Variants in SENP8 observed in about 807,000 individuals in gnomAD.
SENP8 encodes the protein sentrin-specific protease 8.
Under a neutral mutation model 14.4 loss-of-function variants are expected in SENP8, and 10 were observed. That is an observed-to-expected ratio of 0.69 (90% CI 0.43 to 1.18). The LOEUF (loss-of-function observed/expected upper bound fraction) is 1.18. Ranked by LOEUF, SENP8 falls within the 50% of genes most tolerant of loss-of-function variation. The pLI, the probability that SENP8 is intolerant of heterozygous loss-of-function variation, is 0.00. For missense variants in SENP8, 202 were observed against 249.4 expected, an observed-to-expected ratio of 0.81 and a Z score of 1.28; for synonymous variants, 94 against 95.5, an observed-to-expected ratio of 0.98 and a Z score of 0.09.
intron 1 of SENP8, among the ~76,000 whole-genome samples, chr15:72,131,033 T>C (rs555892958): frequency 6.6e-6 from 1 of 152,242 alleles, no homozygotes; most frequent in South Asian, 2.1e-4. Flanking sequence ...CCCAGGTGTA[T>C]GCTCTTTAAA....
chr15:72,130,798 G>A (rs945762825), intron 1 of SENP8, among the ~76,000 whole-genome samples: 1 of 151,948 alleles, frequency 6.6e-6, no homozygotes, highest in Non-Finnish European at 1.5e-5. Flanking sequence ...CCCGACCTCA[G>A]GTGATCCGCC....
chr15:72,121,183 A>G (rs1265719129), intron 1 of SENP8, among the ~76,000 whole-genome samples: 2 of 152,180 alleles, frequency 1.3e-5, no homozygotes, highest in East Asian at 1.9e-4. Flanking sequence ...TTGTGGGTGT[A>G]TATGTCTGTG....
rs2081370666 is a variant in SENP8 at position 72,140,399 on chromosome 15, A to G, written c.*137A>G. ...ATACTCTTTTTCCTGAAAGAATATCATCCTCTGCATTATCCCCATGGAACG... is the reference window on the plus strand; with the variant it reads ...ATACTCTTTTTCCTGAAAGAATATCGTCCTCTGCATTATCCCCATGGAACG... On this transcript the variant is annotated 3_prime_UTR_variant, in exon 2 of 2. Transcript: ENST00000340912. 1 of 653,720 alleles carries G rather than the reference A, an allele frequency of 1.5e-6. No individual in the cohort carries two copies. Among genetic ancestry groups the G allele is most frequent in the Non-Finnish European group, 2.7e-6 (1 of 370,524 alleles). The allele number at this position is 653,720 out of a possible 1,614,324, so 40.5% of individuals were successfully genotyped here. A position where few individuals can be genotyped will look rare whatever the true frequency, so the allele number is the denominator to read the frequency against.
intron 1 of SENP8, chr15:72,135,175 C>T: frequency 5.4e-6 from 1 of 184,636 alleles, no homozygotes; most frequent in Non-Finnish European, 1.1e-5. Flanking sequence ...GATTCTCCTG[C>T]CTCAGCCTCC....
chr15:72,123,262 G>A (rs947580469), intron 1 of SENP8, among the ~76,000 whole-genome samples: 2 of 152,168 alleles, frequency 1.3e-5, no homozygotes, highest in Non-Finnish European at 2.9e-5. Flanking sequence ...GTGAAATGAG[G>A]TAAATCATGG....
chr15:72,117,331 C>T (rs1271902233), upstream of SENP8, among the ~76,000 whole-genome samples: 3 of 152,142 alleles, frequency 2.0e-5, no homozygotes, highest in Non-Finnish European at 4.4e-5. Flanking sequence ...TGCCTGAGAA[C>T]TGTAATCACG....
At chr15:72,132,378 T>C (rs2081281485) in intron 1 of SENP8, among the ~76,000 whole-genome samples, 1 of 152,192 alleles carries the variant, frequency 6.6e-6, no homozygotes, top group South Asian at 2.1e-4. Flanking sequence ...TTACAAAGAA[T>C]ACAGAAATCT....
chr15:72,137,831 G>A (rs2081341063), intron 1 of SENP8, among the ~76,000 whole-genome samples: 1 of 152,094 alleles, frequency 6.6e-6, no homozygotes, highest in Admixed American at 6.5e-5. Context: ...AATTAGCCGG[G>A]TGTTGTGGCG....
chr15:72,140,452 A>G lies in SENP8; in HGVS notation c.*190A>G, dbSNP rs1448308043. On this transcript the variant is annotated 3_prime_UTR_variant, in exon 2 of 2. Transcript: ENST00000340912. ...TCACTTTAACCCTGACTGGGGAGCA[A>G]TATGTTCTGTGAAAATATCTTGAAA... 2 of 581,620 alleles carry G rather than the reference A, an allele frequency of 3.4e-6. No individual in the cohort carries two copies. The highest frequency in any genetic ancestry group is 2.4e-5 in the South Asian group (1 of 42,206). The allele number at this position is 581,620 out of a possible 1,614,324, so 36.0% of individuals were successfully genotyped here.
intron 1 of SENP8, among the ~76,000 whole-genome samples, chr15:72,125,526 C>T (rs1187206005): frequency 2.0e-5 from 3 of 151,752 alleles, no homozygotes; most frequent in African/African-American, 7.3e-5. Flanking sequence ...AGGTAAAACT[C>T]TTTACTTTTT....
rs538358398 is a variant in SENP8, at chr15:72,121,946, A to G, written c.-48+3482A>G. On this transcript the variant is annotated intron_variant, in intron 1 of 1. Transcript: ENST00000340912. ...CTTCTAATAAAGCAATGGCCTTACC[A>G]TAAGTTCACAGATCTTGCCAAGGCC... Among the ~76,000 whole-genome samples the G allele has an allele frequency of 2.0e-3, 300 of 152,232 alleles. 1 individual carries two copies. The highest frequency in any genetic ancestry group is 3.9e-3 in the Non-Finnish European group (266 of 68,036).
At chr15:72,117,666 T>G, upstream of SENP8, 2 of 396,166 alleles carry the variant, frequency 5.0e-6, no homozygotes, top group Non-Finnish European at 4.4e-6. Context: ...GCTGGGCGCT[T>G]GGGCGGGTCT....
intron 1 of SENP8, among the ~76,000 whole-genome samples, chr15:72,121,565 CA>C (rs11297863): frequency 0.96 from 135,423 of 141,638 alleles, 64,876 homozygotes; most frequent in East Asian, 1. Context: ...CGTGTCTCTC[CA>C]AAAAAAAAAA....
intron 1 of SENP8, among the ~76,000 whole-genome samples, chr15:72,122,598 A>G (rs1224100151): frequency 3.3e-5 from 5 of 152,198 alleles, no homozygotes; most frequent in African/African-American, 1.2e-4. Flanking sequence ...AGAGGCCACC[A>G]TTACCACCTT....
intron 1 of SENP8, among the ~76,000 whole-genome samples, chr15:72,129,921 T>C (rs1389622928): frequency 6.6e-6 from 1 of 151,808 alleles, no homozygotes; most frequent in Non-Finnish European, 1.5e-5. Context: ...GCACCATAGC[T>C]CACACCTATA....
intron 1 of SENP8, 115 bp from the exon 2 acceptor site, chr15:72,139,462 C>T (rs1351138723): frequency 3.7e-5 from 38 of 1,032,608 alleles, no homozygotes; most frequent in Non-Finnish European, 4.8e-5. Context: ...AGATCAAACC[C>T]ACCTTGTCCA....
At chr15:72,131,782 C>T (rs1247132547) in intron 1 of SENP8, among the ~76,000 whole-genome samples, 2 of 152,218 alleles carry the variant, frequency 1.3e-5, no homozygotes, top group Non-Finnish European at 2.9e-5. Context: ...CATTCTCTCT[C>T]TTTATGCCAA....
intron 1 of SENP8, among the ~76,000 whole-genome samples, chr15:72,124,966 T>C (rs981187847): frequency 3.3e-5 from 5 of 152,192 alleles, no homozygotes; most frequent in Non-Finnish European, 7.4e-5. Context: ...TTAATAAATT[T>C]GTATTGACAA....
In SENP8 at chr15:72,141,687, C is replaced by CCA. The variant is rs1170071490; in HGVS notation, c.*1425_*1426insCA. 6.6e-6 allele frequency: 1 copy of CCA among 152,060 alleles called. No homozygotes were observed. 9.4% of individuals were successfully genotyped at this position (152,060 alleles called of 1,614,324 possible). ...AGGTTACATAGCAGGCCTGAGTGAGCAGGAGCTGAAACTAAAAGTCAAAGA... is the reference window on the plus strand; with the variant it reads ...AGGTTACATAGCAGGCCTGAGTGAGCCAAGGAGCTGAAACTAAAAGTCAAAGA... On this transcript the variant is annotated 3_prime_UTR_variant, in exon 2 of 2. Coordinates refer to ENST00000340912, the MANE Select transcript of SENP8 (RefSeq NM_145204.4).
Sources: allele counts gnomAD v4.1 joint callset (sites outside exome capture counted in the v4.1 genomes callset), GRCh38; gene constraint gnomAD v4.1.1; transcripts MANE v1.5; gene names NCBI Gene and HGNC (gene_info 2026-07-23, HGNC 2026-07-21).